The following EYA1 variants were observed in gnomAD, a reference collection of about 807,000 sequenced individuals.
The protein encoded by EYA1 is protein phosphatase EYA1.
Under a neutral mutation model 82.0 loss-of-function variants are expected in EYA1, and 16 were observed. The ratio of observed to expected loss-of-function variants is 0.20; its 90% CI spans 0.13 to 0.30. EYA1 has a LOEUF of 0.30. Among genes scored for constraint, EYA1 ranks in the 10% least tolerant of loss-of-function variants. The probability of loss-of-function intolerance (pLI) is 1.00; values close to 1 mark genes in which losing one functional copy is unlikely to be tolerated. For synonymous variants in EYA1, 261 were observed against 264.4 expected, an observed-to-expected ratio of 0.99 and a Z score of 0.12; for missense variants, 633 against 730.7, an observed-to-expected ratio of 0.87 and a Z score of 1.54.
At chr8:71,501,511 C>A (rs978624919) in intron 2 of EYA1, among the ~76,000 whole-genome samples, 1 of 152,220 alleles carries the variant, frequency 6.6e-6, no homozygotes, top group African/African-American at 2.4e-5. Context: ...GTATGGCATT[C>A]TCTATCATGC....
intron 2 of EYA1, among the ~76,000 whole-genome samples, chr8:71,448,586 G>A (rs1807092788): frequency 6.6e-6 from 1 of 152,284 alleles, no homozygotes; most frequent in Middle Eastern, 3.4e-3. Flanking sequence ...GATCACAAAT[G>A]TTCTTAATGG....
intron 3 of EYA1, among the ~76,000 whole-genome samples, chr8:71,343,471 G>A (rs1825375464): frequency 6.6e-6 from 1 of 152,096 alleles, no homozygotes; most frequent in African/African-American, 2.4e-5. Context: ...ATGGATTAAT[G>A]GTTTATCAGG....
intron 9 of EYA1, among the ~76,000 whole-genome samples, chr8:71,292,154 T>C (rs1819071790): frequency 6.6e-6 from 1 of 152,122 alleles, no homozygotes; most frequent in Non-Finnish European, 1.5e-5. Flanking sequence ...ATCACTCTTT[T>C]GAAAGAATAT....
At chr8:71,522,619 CTTTTTTTTT>C (rs35579621) in intron 2 of EYA1, among the ~76,000 whole-genome samples, 27 of 135,562 alleles carry the variant, frequency 2.0e-4, no homozygotes, top group African/African-American at 6.8e-4. Flanking sequence ...TCAATACAAA[CTTTTTTTTT>C]TTTTTTTTTT....
rs1808445792 is a variant in EYA1 at position 71,211,083 on chromosome 8, A to C, written c.1698+73T>G. Reference sequence around the variant, plus strand: ...GTTTCACATAAATGGAACCTGTTTAAATGATCCAGTTATGAGAATACTGAG... The same window carrying C: ...GTTTCACATAAATGGAACCTGTTTACATGATCCAGTTATGAGAATACTGAG... On this transcript the variant is annotated intron_variant, in intron 17 of 17. Transcript: ENST00000340726. 3.2e-6 allele frequency: 3 copies of C among 926,846 alleles called. No homozygotes were observed. In the Admixed American group the frequency reaches 5.1e-5, roughly 16 times the overall value. The allele number at this position is 926,846 out of a possible 1,614,324, so 57.4% of individuals were successfully genotyped here.
intron 2 of EYA1, among the ~76,000 whole-genome samples, chr8:71,494,148 T>C (rs188736715): frequency 1.2e-4 from 18 of 152,194 alleles, no homozygotes; most frequent in Non-Finnish European, 2.4e-4. Flanking sequence ...AGTACAATTA[T>C]TATATTTAGG....
At chr8:71,354,589 G>T (rs774520618) in intron 3 of EYA1, among the ~76,000 whole-genome samples, 193 bp downstream of exon 3, 2 of 152,080 alleles carry the variant, frequency 1.3e-5, no homozygotes, top group Admixed American at 6.6e-5. Context: ...ACCAATCTAC[G>T]CAATGTTACA....
intron 3 of EYA1, among the ~76,000 whole-genome samples, chr8:71,350,165 G>C (rs935076981): frequency 6.6e-6 from 1 of 152,022 alleles, no homozygotes; most frequent in African/African-American, 2.4e-5. Context: ...TGTTTCTATT[G>C]ACAACAGAAT....
At chr8:71,477,010 A>G (rs1326464750) in intron 2 of EYA1, among the ~76,000 whole-genome samples, 2 of 152,126 alleles carry the variant, frequency 1.3e-5, no homozygotes, top group Non-Finnish European at 2.9e-5. Context: ...TTTTGGAACA[A>G]TTGGATATCC....
At chr8:71,379,600 C>G (rs975631400) in intron 2 of EYA1, among the ~76,000 whole-genome samples, 9 of 152,188 alleles carry the variant, frequency 5.9e-5, no homozygotes, top group African/African-American at 2.2e-4. Context: ...ACCCTCATTT[C>G]ACACCTGAAT....
chr8:71,534,261 A>T (rs1247238054), intron 2 of EYA1, among the ~76,000 whole-genome samples: 2 of 152,236 alleles, frequency 1.3e-5, no homozygotes, highest in Non-Finnish European at 2.9e-5. Flanking sequence ...GTATTTTAAC[A>T]TAATAAATTC....
chr8:71,320,372 C>A (rs1427296150), intron 6 of EYA1, among the ~76,000 whole-genome samples: 2 of 152,212 alleles, frequency 1.3e-5, no homozygotes, highest in African/African-American at 2.4e-5. Context: ...AACCATCTCA[C>A]AAATAAATTT....
chr8:71,476,204 A>G (rs776307351), intron 2 of EYA1, among the ~76,000 whole-genome samples: 26 of 152,156 alleles, frequency 1.7e-4, no homozygotes, highest in Non-Finnish European at 3.1e-4. Context: ...CTCAATGAGT[A>G]CCGGGCTTAT....
At chr8:71,530,123 A>AG (rs1295982884) in intron 2 of EYA1, among the ~76,000 whole-genome samples, 1 of 152,316 alleles carries the variant, frequency 6.6e-6, no homozygotes, top group African/African-American at 2.4e-5. Flanking sequence ...AATTAAGATG[A>AG]GGTCATTAAG....
chr8:71,531,796 G>T (rs897688466), intron 2 of EYA1, among the ~76,000 whole-genome samples: 17 of 152,114 alleles, frequency 1.1e-4, no homozygotes, highest in Admixed American at 9.2e-4. Context: ...TGACAGAAAT[G>T]ATGTGAAAGC....
At chr8:71,346,570 C>G (rs1036249355) in intron 3 of EYA1, among the ~76,000 whole-genome samples, 5 of 151,322 alleles carry the variant, frequency 3.3e-5, no homozygotes, top group Non-Finnish European at 5.9e-5. Context: ...CTTCCTTATC[C>G]TTATATCATT....
intron 3 of EYA1, among the ~76,000 whole-genome samples, chr8:71,351,473 T>A (rs1826299823): frequency 6.6e-6 from 1 of 152,230 alleles, no homozygotes; most frequent in Non-Finnish European, 1.5e-5. Flanking sequence ...CAATCAACAG[T>A]TAACTTCAAC....
chr8:71,506,264 TC>T (rs1041492565), intron 2 of EYA1, among the ~76,000 whole-genome samples: 5 of 152,302 alleles, frequency 3.3e-5, no homozygotes, highest in Admixed American at 1.3e-4. Context: ...CAAAGGCATA[TC>T]CAGAGCAAAA....
chr8:71,308,507 T>C (rs1378060975), intron 7 of EYA1, among the ~76,000 whole-genome samples: 3 of 152,138 alleles, frequency 2.0e-5, no homozygotes, highest in Non-Finnish European at 4.4e-5. Flanking sequence ...ATATGGGACA[T>C]GCAGTTCTGT....
Sources: allele counts gnomAD v4.1 joint callset (sites outside exome capture counted in the v4.1 genomes callset), GRCh38; gene constraint gnomAD v4.1.1; transcripts MANE v1.5; gene names NCBI Gene and HGNC (gene_info 2026-07-23, HGNC 2026-07-21).